CLP1: variants seen among roughly 807,000 people sequenced by gnomAD.
CLP1 encodes cleavage factor polyribonucleotide kinase subunit 1.
In CLP1, 18 loss-of-function variants were observed where a neutral mutation model predicts 29.9. That is an observed-to-expected ratio of 0.60 (90% CI 0.42 to 0.89). The LOEUF is 0.89. Among genes scored for constraint, CLP1 ranks in the 40% least tolerant of loss-of-function variants. CLP1 has a pLI of 0.00. For synonymous variants in CLP1, 162 were observed against 206.2 expected (o/e 0.79, Z 1.84); for missense variants, 357 against 544.8 (o/e 0.66, Z 3.43).
In CLP1 at chr11:57,659,298, A is replaced by T. The variant is rs1945850954; in HGVS notation, c.-22-157A>T. 6 of 647,742 alleles carry T rather than the reference A, an allele frequency of 9.3e-6. No homozygotes were observed. The Admixed American group carries it at 1.8e-4, about 19-fold the overall frequency. 40.1% of individuals were successfully genotyped at this position (647,742 alleles called of 1,614,324 possible). ...GAGACAGGGTTTCACCATGTTGGCC[A>T]GGCTAGTCTTGAACTCCTGACCTCA... On this transcript the variant is annotated intron_variant, in intron 1 of 2. Coordinates refer to ENST00000533682, the MANE Select transcript of CLP1 (RefSeq NM_006831.3).
Position 57,660,973 on chromosome 11 carries a change from A to C in CLP1, c.815A>C (p.His272Pro). The change falls in exon 3 of 3, where the codon CAC becomes CCC. Residue 272 changes from histidine (H) to proline (P), a missense_variant. By Grantham distance (77) the His-to-Pro change is moderately conservative. Coordinates refer to ENST00000533682, the MANE Select transcript of CLP1 (RefSeq NM_006831.3). ...AATGAACTGAAACGGGACCTCCCCCACTTTGTACGCACTGTGCTGCTCCCT... is the reference window on the plus strand; with the variant it reads ...AATGAACTGAAACGGGACCTCCCCCCCTTTGTACGCACTGTGCTGCTCCCT... ...LYNELKRDLPHFVRTVLLPKS... is the reference protein window; with the variant it reads ...LYNELKRDLPPFVRTVLLPKS... The C allele has an allele frequency of 6.2e-7, 1 of 1,614,210 alleles. No individual in the cohort carries two copies.
rs1945869879 is a variant in CLP1, at chr11:57,660,877, A to G, written c.719A>G (p.Gln240Arg). The G allele has an allele frequency of 1.2e-6, 2 of 1,614,034 alleles. No individual in the cohort carries two copies. Among genetic ancestry groups the G allele is most frequent in the Non-Finnish European group, 1.7e-6 (2 of 1,180,008 alleles). ...GGCTGGGTCAAGGGCTCTGGTTACCAGGCTCTGGTGCATGCAGCCTCAGCT... is the reference window on the plus strand; with the variant it reads ...GGCTGGGTCAAGGGCTCTGGTTACCGGGCTCTGGTGCATGCAGCCTCAGCT... ...TCGWVKGSGY[Q>R]ALVHAASAFE... The change falls in exon 3 of 3, where the codon CAG becomes CGG. Residue 240 changes from glutamine (Q) to arginine (R), a missense_variant. Gln to Arg is a conservative substitution (Grantham distance 43, BLOSUM62 1). Transcript: ENST00000533682.
chr11:57,660,192 T>A, intron 2 of CLP1, 110 bp downstream of exon 2: 1 of 1,190,918 alleles, frequency 8.4e-7, no homozygotes, highest in Non-Finnish European at 1.1e-6. Context: ...TCTGCTGCAT[T>A]ACTTTAGAAA....
At position 57,659,598 on chromosome 11, in the gene CLP1, T is replaced by G. The variant is rs1945854626; in HGVS notation, c.122T>G (p.Met41Arg). ...QSVQLELLTG[M>R]AEIFGTELTR... ...GTTCAGTTGGAGTTGTTGACTGGCA[T>G]GGCAGAGATCTTTGGCACAGAGCTG... is the stretch of plus-strand genomic sequence containing the variant. Residue 41 changes from methionine (M) to arginine (R), a missense_variant, in exon 2 of 3, where the codon ATG becomes AGG. Met to Arg is a moderately conservative substitution (Grantham distance 91, BLOSUM62 -1). Coordinates refer to ENST00000533682, the MANE Select transcript of CLP1 (RefSeq NM_006831.3). The G allele has an allele frequency of 6.2e-7, 1 of 1,614,016 alleles. No individual in the cohort carries two copies. Among genetic ancestry groups the G allele is most frequent in the South Asian group, 1.1e-5 (1 of 91,080 alleles).
rs777290319 is a variant in CLP1, at chr11:57,660,774, C to T, written c.616C>T (p.Arg206Cys). The T allele has an allele frequency of 5.0e-6, 8 of 1,587,148 alleles. No individual in the cohort carries two copies. Among genetic ancestry groups the T allele is most frequent in the East Asian group, 2.2e-5 (1 of 44,490 alleles). The stretch of plus-strand genomic sequence containing the variant: ...ATCCTCTCTTTTGCAGATTACATCT[C>T]GTTTAGCAGATGTGTTCAACCAAAG... ...NIKLYNKITS[R>C]LADVFNQRCE... The change falls in exon 3 of 3, where the codon CGT becomes TGT. Residue 206 changes from arginine (R) to cysteine (C), a missense_variant. Physicochemically the swap from Arg to Cys is radical, Grantham distance 180 (BLOSUM62 -3). Transcript: ENST00000533682.
Position 57,661,467 on chromosome 11 carries a change from A to G in CLP1, c.*31A>G, listed in dbSNP as rs758536609. 6 of 1,564,466 alleles carry G rather than the reference A, an allele frequency of 3.8e-6. No homozygotes were observed. The highest frequency in any genetic ancestry group is 4.3e-6 in the Non-Finnish European group (5 of 1,151,166). ...AGCAGGAAGCCTTGCTGCCTGGGAC[A>G]TAGAGATCATCTGGCCACCCCTAGA... On this transcript the variant is annotated 3_prime_UTR_variant, in exon 3 of 3. Transcript: ENST00000533682.
chr11:57,659,363 A>C, intron 1 of CLP1, 92 bp from the exon 2 acceptor site: 1 of 1,244,376 alleles, frequency 8.0e-7, no homozygotes, highest in Non-Finnish European at 1.1e-6. Flanking sequence ...TGCTGGGATT[A>C]CAGGCGTGAG....
At chr11:57,660,182 T>C in intron 2 of CLP1, 100 bp downstream of exon 2, 6 of 1,244,060 alleles carry the variant, frequency 4.8e-6, no homozygotes, top group Non-Finnish European at 6.5e-6. Context: ...AGCTGGTATT[T>C]CTGCTGCATT....
Position 57,661,038 on chromosome 11 carries a change from CG to C in CLP1, c.883del (p.Glu295AsnfsTer30). 5 of 1,614,198 alleles carry C rather than the reference CG, an allele frequency of 3.1e-6. No individual in the cohort carries two copies. The highest frequency in any genetic ancestry group is 4.2e-6 in the Non-Finnish European group (5 of 1,180,048). The stretch of plus-strand genomic sequence containing the variant: ...GGTGGAGCGCTCCAAGGACTTCCGG[CG>C]GGAATGTAGGGATGAGCGTATCCGT... ...GVVERSKDFR[R>X]ECRDERIREY... On this transcript the variant is annotated frameshift_variant, in exon 3 of 3. Transcript: ENST00000533682. LOFTEE classifies it high-confidence loss of function.
chr11:57,661,135 T>C lies in CLP1; in HGVS notation c.977T>C (p.Ile326Thr), dbSNP rs1444774710. ...AATGTCAAATTTTCAGATGTGAAAA[T>C]CTACAAAGTTGGGGCACCCACCATC... Reference protein sequence around the residue: ...AFNVKFSDVKIYKVGAPTIPD... With the variant: ...AFNVKFSDVKTYKVGAPTIPD... Residue 326 changes from isoleucine (I) to threonine (T), a missense_variant, in exon 3 of 3, where the codon ATC becomes ACC. By Grantham distance (89) the Ile-to-Thr change is moderately conservative. Transcript: ENST00000533682. 6.2e-7 allele frequency: 1 copy of C among 1,614,012 alleles called. No individual in the cohort carries two copies. Among genetic ancestry groups the C allele is most frequent in the Non-Finnish European group, 8.5e-7 (1 of 1,180,046 alleles).
chr11:57,661,404 A>G lies in CLP1; in HGVS notation c.1246A>G (p.Ile416Val), dbSNP rs1189072508. 1 of 1,613,124 alleles carries G rather than the reference A, an allele frequency of 6.2e-7. No homozygotes were observed. Among genetic ancestry groups the G allele is most frequent in the Non-Finnish European group, 8.5e-7 (1 of 1,179,500 alleles). The change falls in exon 3 of 3, where the codon ATC becomes GTC. Residue 416 changes from isoleucine to valine, a missense_variant. Transcript: ENST00000533682. Reference sequence around the variant, plus strand: ...CCCACTGCCTAAGAACTTCCTTCTCATCATGGATATCCGGTTCATGGATCT... The same window carrying G: ...CCCACTGCCTAAGAACTTCCTTCTCGTCATGGATATCCGGTTCATGGATCT... Reference protein sequence around the residue: ...PRPLPKNFLLIMDIRFMDLK With the variant: ...PRPLPKNFLLVMDIRFMDLK
Position 57,660,675 on chromosome 11 carries a change from A to G in CLP1, c.607-90A>G, listed in dbSNP as rs1945866884. On this transcript the variant is annotated intron_variant, in intron 2 of 2. Coordinates refer to ENST00000533682, the MANE Select transcript of CLP1 (RefSeq NM_006831.3). ...TTTCAAAAAAAAAATCATTTTTCTTATATCTAATAGCACTTATTCTAAAGA... is the reference window on the plus strand; with the variant it reads ...TTTCAAAAAAAAAATCATTTTTCTTGTATCTAATAGCACTTATTCTAAAGA... The G allele has an allele frequency of 1.1e-5, 12 of 1,105,372 alleles. No homozygotes were observed. In the South Asian group the frequency reaches 1.6e-4, roughly 14 times the overall value. The allele number at this position is 1,105,372 out of a possible 1,614,324, so 68.5% of individuals were successfully genotyped here. A position where few individuals can be genotyped will look rare whatever the true frequency, so the allele number is the denominator to read the frequency against.
Position 57,660,904 on chromosome 11 carries a change from T to G in CLP1, c.746T>G (p.Phe249Cys). 1.9e-6 allele frequency: 3 copies of G among 1,614,114 alleles called. No individual in the cohort carries two copies. The highest frequency in any genetic ancestry group is 2.5e-6 in the Non-Finnish European group (3 of 1,180,024). The stretch of plus-strand genomic sequence containing the variant: ...GCTCTGGTGCATGCAGCCTCAGCTT[T>G]TGAGGTGGATGTCGTTGTTGTTCTG... ...YQALVHAASA[F>C]EVDVVVVLDQ... Residue 249 changes from phenylalanine to cysteine, a missense_variant, in exon 3 of 3, where the codon TTT becomes TGT. By Grantham distance (205) the Phe-to-Cys change is radical (BLOSUM62 -2). Coordinates refer to ENST00000533682, the MANE Select transcript of CLP1 (RefSeq NM_006831.3).
At position 57,661,510 on chromosome 11, in the gene CLP1, A is replaced by G. The variant is rs1015753614; in HGVS notation, c.*74A>G. The stretch of plus-strand genomic sequence containing the variant: ...CCCCTAGAGGCAGATGGGCTGAGAT[A>G]AAAGACTGTTGGGGCCACCTGACCA... On this transcript the variant is annotated 3_prime_UTR_variant, in exon 3 of 3. Transcript: ENST00000533682. 2 of 1,318,518 alleles carry G rather than the reference A, an allele frequency of 1.5e-6. No individual in the cohort carries two copies. Among genetic ancestry groups the G allele is most frequent in the Non-Finnish European group, 2.1e-6 (2 of 953,618 alleles). 81.7% of individuals were successfully genotyped at this position (1,318,518 alleles called of 1,614,324 possible). A position where few individuals can be genotyped will look rare whatever the true frequency, so the allele number is the denominator to read the frequency against.
chr11:57,660,647 C>T, intron 2 of CLP1, 118 bp from the exon 3 acceptor site: 2 of 854,290 alleles, frequency 2.3e-6, no homozygotes, highest in Non-Finnish European at 3.5e-6. Flanking sequence ...GAGTGAGACT[C>T]CATTTCAAAA....
chr11:57,661,062 CGTGA>C lies in CLP1; in HGVS notation c.907_910del (p.Glu303IlefsTer21). The C allele has an allele frequency of 6.2e-7, 1 of 1,614,196 alleles. No individual in the cohort carries two copies. Among genetic ancestry groups the C allele is most frequent in the Non-Finnish European group, 8.5e-7 (1 of 1,180,038 alleles). ...GCGGGAATGTAGGGATGAGCGTATCCGTGAGTATTTTTATGGATTCCGAGGCTGT... is the reference window on the plus strand; with the variant it reads ...GCGGGAATGTAGGGATGAGCGTATCCGTATTTTTATGGATTCCGAGGCTGT... On this transcript the variant is annotated frameshift_variant, in exon 3 of 3. Transcript: ENST00000533682. LOFTEE classifies it high-confidence loss of function.
rs747317812 is a variant in CLP1 at position 57,659,931 on chromosome 11, TG to T, written c.458del (p.Gly153AlafsTer55). On this transcript the variant is annotated frameshift_variant, in exon 2 of 3. Transcript: ENST00000533682. LOFTEE classifies it high-confidence loss of function. ...GRRPTYVELD[V>X]GQGSVSIPGT... Reference sequence around the variant, plus strand: ...CGTCCCACTTATGTGGAGCTGGATGTGGGCCAGGGTTCTGTGTCCATCCCTG... The same window carrying T: ...CGTCCCACTTATGTGGAGCTGGATGTGGCCAGGGTTCTGTGTCCATCCCTG... 1.2e-6 allele frequency: 2 copies of T among 1,614,180 alleles called. No individual in the cohort carries two copies. The highest frequency in any genetic ancestry group is 8.5e-7 in the Non-Finnish European group (1 of 1,180,016).
In CLP1 at chr11:57,661,183, G is replaced by A. The variant is rs2135362619; in HGVS notation, c.1025G>A (p.Gly342Asp). Residue 342 changes from glycine to aspartate, a missense_variant, in exon 3 of 3, where the codon GGC (glycine) becomes GAC (aspartate). Gly to Asp is a moderately conservative substitution (Grantham distance 94). Transcript: ENST00000533682. ...ATCCCAGACTCCTGTTTACCTTTGG[G>A]CATGTCTCAAGAGGATAATCAGCTC... ...PTIPDSCLPL[G>D]MSQEDNQLKL... The A allele has an allele frequency of 6.2e-7, 1 of 1,614,192 alleles. No homozygotes were observed. The highest frequency in any genetic ancestry group is 8.5e-7 in the Non-Finnish European group (1 of 1,180,044).
Position 57,661,049 on chromosome 11 carries a change from G to A in CLP1, c.891G>A (p.Arg297=). The A allele has an allele frequency of 6.2e-7, 1 of 1,614,236 alleles. No individual in the cohort carries two copies. Among genetic ancestry groups the A allele is most frequent in the South Asian group, 1.1e-5 (1 of 91,086 alleles). ...ERSKDFRREC[R]DERIREYFYG... ...CCAAGGACTTCCGGCGGGAATGTAG[G>A]GATGAGCGTATCCGTGAGTATTTTT... Residue 297 remains arginine, a synonymous_variant, in exon 3 of 3, where the codon AGG becomes AGA. Transcript: ENST00000533682.
Sources: gnomAD v4.1 joint callset for allele counts on GRCh38, gnomAD v4.1.1 for gene constraint, MANE v1.5 for transcripts, NCBI Gene and HGNC (gene_info 2026-07-23, HGNC 2026-07-21) for gene names.